ZDHHC15: variants seen among roughly 807,000 people sequenced by gnomAD.
ZDHHC15 encodes the protein zDHHC palmitoyltransferase 15, also known as palmitoyltransferase ZDHHC15.
In ZDHHC15, 19 loss-of-function variants were observed where a neutral mutation model predicts 31.7. The observed-to-expected ratio is 0.60, with a 90% CI of 0.42 to 0.88. The LOEUF is 0.88. ZDHHC15 is among the 40% of genes least tolerant of loss of function. The pLI, the probability that ZDHHC15 is intolerant of heterozygous loss-of-function variation, is 0.00. For missense variants in ZDHHC15, 209 were observed against 251.2 expected, an observed-to-expected ratio of 0.83 and a Z score of 1.14; for synonymous variants, 103 against 90.0, an observed-to-expected ratio of 1.14 and a Z score of -0.82.
At chrX:75,485,401 A>G (rs2084761034) in intron 2 of ZDHHC15, among the ~76,000 whole-genome samples, 1 of 111,172 alleles carries the variant, frequency 9.0e-6, no homozygotes, top group Non-Finnish European at 1.9e-5. Context: ...AGGCTATAGG[A>G]TTGAAAGCTG....
chrX:75,406,491 A>G (rs1258544691), intron 10 of ZDHHC15, among the ~76,000 whole-genome samples: 1 of 111,151 alleles, frequency 9.0e-6, no homozygotes, highest in African/African-American at 3.3e-5. Context: ...AATAAATAGA[A>G]TCAGAAGTGA....
At chrX:75,432,510 A>G (rs1037693749) in intron 4 of ZDHHC15, among the ~76,000 whole-genome samples, 4 of 111,994 alleles carry the variant, frequency 3.6e-5, no homozygotes, top group South Asian at 3.7e-4. Flanking sequence ...GGAGAAGAAC[A>G]TGCATATCTG....
chrX:75,450,276 G>C (rs1412149072), intron 4 of ZDHHC15, among the ~76,000 whole-genome samples: 2 of 111,650 alleles, frequency 1.8e-5, no homozygotes, highest in Admixed American at 1.9e-4. Context: ...TGTGGGAAGT[G>C]GGGTGGGGTC....
rs148705657 is a variant in ZDHHC15, at chrX:75,427,363, T to C, written c.603+1715A>G. Among the ~76,000 whole-genome samples the C allele has an allele frequency of 2.9e-3, 329 of 111,938 alleles. 1 individual carries two copies. Among genetic ancestry groups the C allele is most frequent in the African/African-American group, 9.7e-3 (301 of 30,916 alleles). The stretch of plus-strand genomic sequence containing the variant: ...GGTATTACTTGTGAATATTGGCACA[T>C]TACTGATGATTAATTCATATCCAAA... On this transcript the variant is annotated intron_variant, in intron 7 of 11. Transcript: ENST00000373367.
intron 4 of ZDHHC15, among the ~76,000 whole-genome samples, chrX:75,448,991 G>C (rs2084071290): frequency 9.0e-6 from 1 of 110,592 alleles, no homozygotes; most frequent in Non-Finnish European, 1.9e-5. Flanking sequence ...AAAATTTGCT[G>C]TTGTTGCCTG....
Position 75,521,770 on chromosome X carries a change from C to T in ZDHHC15, c.136+1119G>A, listed in dbSNP as rs185274023. On this transcript the variant is annotated intron_variant, in intron 1 of 11. Coordinates refer to ENST00000373367, the MANE Select transcript of ZDHHC15 (RefSeq NM_144969.3). ...CCAGTTTGAGAAGATGGGACAAGTGCAATCCAATGAGAAGTAAGAAGAAAT... is the reference window on the plus strand; with the variant it reads ...CCAGTTTGAGAAGATGGGACAAGTGTAATCCAATGAGAAGTAAGAAGAAAT... Among the ~76,000 whole-genome samples, 7 of 111,100 alleles carry T rather than the reference C, an allele frequency of 6.3e-5. No individual in the cohort carries two copies. In the East Asian group the frequency reaches 2.0e-3, roughly 32 times the overall value.
At chrX:75,505,309 G>A (rs1310885023) in intron 2 of ZDHHC15, among the ~76,000 whole-genome samples, 1 of 111,653 alleles carries the variant, frequency 9.0e-6, no homozygotes, top group Non-Finnish European at 1.9e-5. Context: ...CTAATGATTA[G>A]CTTACACTTT....
chrX:75,473,074 C>A (rs1346208839), intron 3 of ZDHHC15, among the ~76,000 whole-genome samples: 1 of 112,033 alleles, frequency 8.9e-6, no homozygotes, highest in East Asian at 2.8e-4. Flanking sequence ...TCACGGTAAT[C>A]CACACAGCAC....
At chrX:75,379,091 A>T in intron 11 of ZDHHC15, 29 bp downstream of exon 11, 1 of 1,153,275 alleles carries the variant, frequency 8.7e-7, no homozygotes, top group Non-Finnish European at 1.2e-6. Flanking sequence ...TCCAGGTGCC[A>T]CTGTATGTGT....
intron 3 of ZDHHC15, among the ~76,000 whole-genome samples, chrX:75,473,925 G>A (rs1371981827): frequency 9.0e-6 from 1 of 111,452 alleles, no homozygotes; most frequent in Non-Finnish European, 1.9e-5. Context: ...GTATTGGTGC[G>A]TTTCTGTTGT....
At chrX:75,502,363 T>G (rs1187648688) in intron 2 of ZDHHC15, 1 of 111,607 alleles carries the variant, frequency 9.0e-6, no homozygotes, top group African/African-American at 3.2e-5. Context: ...AGTCACATTC[T>G]GAAGTACTGA....
At position 75,520,286 on chromosome X, in the gene ZDHHC15, A is replaced by C. The variant is rs959813915; in HGVS notation, c.136+2603T>G. ...TCATCTGTTAATATTACATGACTAA[A>C]GAAGAACTTATAGAAGGCCAATTAT... is the stretch of plus-strand genomic sequence containing the variant. On this transcript the variant is annotated intron_variant, in intron 1 of 11. Transcript: ENST00000373367. Among the ~76,000 whole-genome samples, 41 of 112,083 alleles carry C rather than the reference A, an allele frequency of 3.7e-4. 1 individual carries two copies. Among genetic ancestry groups the C allele is most frequent in the African/African-American group, 1.3e-3 (39 of 30,917 alleles).
intron 4 of ZDHHC15, among the ~76,000 whole-genome samples, chrX:75,433,681 GTGTGTGTGTGTGTGTGTATATA>G (rs1181692477): frequency 1.0e-3 from 40 of 39,997 alleles, no homozygotes; most frequent in East Asian, 2.0e-3. Flanking sequence ...GTGTGTGTGT[GTGTGTGTGTGTGTGTGTATATA>G]TATATATATA....
intron 8 of ZDHHC15, among the ~76,000 whole-genome samples, chrX:75,424,066 T>A (rs2083682407): frequency 9.0e-6 from 1 of 111,571 alleles, no homozygotes; most frequent in African/African-American, 3.3e-5. Context: ...AGAAAATATG[T>A]TCATTTATTT....
chrX:75,489,812 G>A (rs941472812), intron 2 of ZDHHC15, among the ~76,000 whole-genome samples: 26 of 111,706 alleles, frequency 2.3e-4, no homozygotes, highest in Non-Finnish European at 4.5e-4. Context: ...GAGGAAGTTC[G>A]AACCCATGGC....
At chrX:75,467,685 T>A (rs974882951) in intron 3 of ZDHHC15, among the ~76,000 whole-genome samples, 1 of 112,491 alleles carries the variant, frequency 8.9e-6, no homozygotes, top group African/African-American at 3.2e-5. Flanking sequence ...TCCCAAACAA[T>A]CAGACTTTCT....
At chrX:75,475,177 T>C (rs2084582537) in intron 3 of ZDHHC15, among the ~76,000 whole-genome samples, 1 of 112,791 alleles carries the variant, frequency 8.9e-6, no homozygotes, top group Non-Finnish European at 1.9e-5. Flanking sequence ...TCTGCTATTC[T>C]GTAGGCTGCC....
In ZDHHC15 at chrX:75,407,772, G is replaced by A. The variant is rs200925242; in HGVS notation, c.967+9315C>T. On this transcript the variant is annotated intron_variant, in intron 10 of 11. Coordinates refer to ENST00000373367, the MANE Select transcript of ZDHHC15 (RefSeq NM_144969.3). Reference sequence around the variant, plus strand: ...ATGGCAGTTTTGTCAAATAGAAAGGGGGGAAATGTGGGGAAAAGAAAGAGA... The same window carrying A: ...ATGGCAGTTTTGTCAAATAGAAAGGAGGGAAATGTGGGGAAAAGAAAGAGA... 1.7e-4 allele frequency among the ~76,000 whole-genome samples: 19 copies of A among 112,898 alleles called. No individual in the cohort carries two copies. In the East Asian group the frequency reaches 4.2e-3, roughly 25 times the overall value.
chrX:75,510,574 A>ATTC (rs2085250596), intron 1 of ZDHHC15, among the ~76,000 whole-genome samples: 1 of 66,452 alleles, frequency 1.5e-5, no homozygotes, highest in African/African-American at 5.6e-5. Context: ...TATTATTATT[A>ATTC]TTATTATTTT....
Sources: allele counts gnomAD v4.1 joint callset (sites outside exome capture counted in the v4.1 genomes callset), GRCh38; gene constraint gnomAD v4.1.1; transcripts MANE v1.5; gene names NCBI Gene and HGNC (gene_info 2026-07-23, HGNC 2026-07-21).